The following CACNA1H variants were observed in gnomAD, a reference collection of about 807,000 sequenced individuals.
CACNA1H encodes voltage-dependent T-type calcium channel subunit alpha-1H.
In CACNA1H, 149 loss-of-function variants were observed where a neutral mutation model predicts 192.5. That is an observed-to-expected ratio of 0.77 (90% CI 0.68 to 0.89). The LOEUF (loss-of-function observed/expected upper bound fraction) is 0.89. Among genes scored for constraint, CACNA1H ranks in the 40% least tolerant of loss-of-function variants. The pLI is 0.00. For synonymous variants in CACNA1H, 2,202 were observed against 1,475.2 expected, an observed-to-expected ratio of 1.49 and a Z score of -11.29; for missense variants, 4,257 against 3,423.5, an observed-to-expected ratio of 1.24 and a Z score of -6.08.
chr16:1,209,606 C>T (rs1003603451), intron 17 of CACNA1H, 194 bp downstream of exon 17: 16 of 687,878 alleles, frequency 2.3e-5, no homozygotes, highest in Middle Eastern at 4.0e-4. Context: ...CAGAGTCCCC[C>T]CTCTGCCGTC....
At chr16:1,154,575 G>A (rs183126769) in intron 2 of CACNA1H, among the ~76,000 whole-genome samples, 1 of 152,330 alleles carries the variant, frequency 6.6e-6, no homozygotes, top group Admixed American at 6.5e-5. Flanking sequence ...CGTGGAGAGA[G>A]GCGGTGACGT....
rs1337267919 is a variant in CACNA1H at position 1,153,496 on chromosome 16, C to G, written c.-19+26C>G. 6 of 244,864 alleles carry G rather than the reference C, an allele frequency of 2.5e-5. No individual in the cohort carries two copies. The East Asian group carries it at 3.8e-4, about 15-fold the overall frequency. The allele number at this position is 244,864 out of a possible 1,614,324, so 15.2% of individuals were successfully genotyped here. A position where few individuals can be genotyped will look rare whatever the true frequency, so the allele number is the denominator to read the frequency against. On this transcript the variant is annotated intron_variant, in intron 1 of 34. Coordinates refer to ENST00000348261, the MANE Select transcript of CACNA1H (RefSeq NM_021098.3). ...GTGAGACGCGGCGAGGACGCGCGCC[C>G]GGGACCCTCTTCAACTTGCGCGAAG...
Position 1,208,039 on chromosome 16 carries a change from A to AC in CACNA1H, c.3186dup (p.Asn1063GlnfsTer102). 6.2e-7 allele frequency: 1 copy of AC among 1,606,380 alleles called. No homozygotes were observed. Among genetic ancestry groups the AC allele is most frequent in the Non-Finnish European group, 8.5e-7 (1 of 1,177,456 alleles). ...GCTGAAGATGTGTTCCCTGGCCGTG[A>AC]CCCCCAACGGGCACCTGGAGGGACG... On this transcript the variant is annotated frameshift_variant, in exon 16 of 35. Transcript: ENST00000348261. LOFTEE classifies it high-confidence loss of function.
chr16:1,208,254 C>T lies in CACNA1H; in HGVS notation c.3363+33C>T, dbSNP rs760351538. On this transcript the variant is annotated intron_variant, in intron 16 of 34. Coordinates refer to ENST00000348261, the MANE Select transcript of CACNA1H (RefSeq NM_021098.3). Reference sequence around the variant, plus strand: ...CCATCTCCTGCCCCAGCTCTCAGGCCCCTTCAGGTTTTCCCTGCCTGGCTC... The same window carrying T: ...CCATCTCCTGCCCCAGCTCTCAGGCTCCTTCAGGTTTTCCCTGCCTGGCTC... The T allele has an allele frequency of 4.7e-6, 7 of 1,487,274 alleles. No homozygotes were observed. In the African/African-American group the frequency reaches 5.6e-5, roughly 12 times the overall value. The allele number at this position is 1,487,274 out of a possible 1,614,324, so 92.1% of individuals were successfully genotyped here.
rs1280107139 is a variant in CACNA1H at position 1,210,509 on chromosome 16, C to T, written c.3969+16C>T. ...CGGCAGCACCGTGAGTCAGCCAACC[C>T]CATCGTCCCGGGCCACCACGACCCC... On this transcript the variant is annotated intron_variant, in intron 19 of 34. Coordinates refer to ENST00000348261, the MANE Select transcript of CACNA1H (RefSeq NM_021098.3). 6.8e-6 allele frequency: 11 copies of T among 1,611,412 alleles called. No homozygotes were observed. The highest frequency in any genetic ancestry group is 1.7e-5 in the Admixed American group (1 of 60,006).
At chr16:1,156,388 C>T (rs535929810) in intron 2 of CACNA1H, among the ~76,000 whole-genome samples, 7 of 152,332 alleles carry the variant, frequency 4.6e-5, no homozygotes, top group Admixed American at 3.3e-4. Context: ...GGTGTGTGTC[C>T]TGGCGTCAGA....
At chr16:1,194,945 G>T in intron 2 of CACNA1H, 27 bp from the exon 3 acceptor site, 1 of 1,553,666 alleles carries the variant, frequency 6.4e-7, no homozygotes, top group Non-Finnish European at 8.9e-7. Flanking sequence ...GGGCCGCGCC[G>T]GTGTGCTCCT....
At chr16:1,178,593 C>G (rs1047183074) in intron 2 of CACNA1H, among the ~76,000 whole-genome samples, 3 of 152,168 alleles carry the variant, frequency 2.0e-5, no homozygotes, top group Non-Finnish European at 4.4e-5. Context: ...GTCTCGGACT[C>G]CAGCCTCCAG....
At position 1,212,020 on chromosome 16, in the gene CACNA1H, C is replaced by A; in HGVS notation, c.4641C>A (p.Leu1547=). 1 of 1,613,568 alleles carries A rather than the reference C, an allele frequency of 6.2e-7. No individual in the cohort carries two copies. The highest frequency in any genetic ancestry group is 8.5e-7 in the Non-Finnish European group (1 of 1,179,708). ...SFLLIVSFFV[L]NMFVGVVVEN... is the part of the protein sequence containing the mutation. Reference sequence around the variant, plus strand: ...TGCTCATCGTCAGCTTCTTCGTGCTCAACATGTTCGTGGGCGTCGTGGTCG... The same window carrying A: ...TGCTCATCGTCAGCTTCTTCGTGCTAAACATGTTCGTGGGCGTCGTGGTCG... The change falls in exon 25 of 35, where the codon CTC becomes CTA. Residue 1547 remains leucine (L), a synonymous_variant. Transcript: ENST00000348261.
chr16:1,172,531 G>A (rs948199580), intron 2 of CACNA1H, among the ~76,000 whole-genome samples: 4 of 152,184 alleles, frequency 2.6e-5, no homozygotes, highest in African/African-American at 9.7e-5. Context: ...AGCATCACCC[G>A]CTCTGTGGAG....
intron 2 of CACNA1H, among the ~76,000 whole-genome samples, chr16:1,158,267 G>A (rs755465373): frequency 6.6e-6 from 1 of 152,210 alleles, no homozygotes; most frequent in South Asian, 2.1e-4. Context: ...AGCGTTGCAG[G>A]GCTCAGGGGG....
In CACNA1H at chr16:1,195,019, C is replaced by T. The variant is rs755765779; in HGVS notation, c.347C>T (p.Thr116Ile). 9 of 1,612,212 alleles carry T rather than the reference C, an allele frequency of 5.6e-6. No homozygotes were observed. The highest frequency in any genetic ancestry group is 1.1e-5 in the South Asian group (1 of 91,064). The stretch of plus-strand genomic sequence containing the variant: ...CTGGTAATCATGCTCAACTGCGTGA[C>T]CCTGGGCATGTTCCGGCCCTGTGAG... ...SMLVIMLNCV[T>I]LGMFRPCEDV... Residue 116 changes from threonine to isoleucine, a missense_variant, in exon 3 of 35, where the codon ACC (threonine) becomes ATC (isoleucine). Coordinates refer to ENST00000348261, the MANE Select transcript of CACNA1H (RefSeq NM_021098.3).
In CACNA1H at chr16:1,201,752, G is replaced by A; in HGVS notation, c.1302G>A (p.Arg434=). The part of the protein sequence containing the change: ...ETKQRESQLM[R]EQRARHLSND... Reference sequence around the variant, plus strand: ...AGCAGCGGGAGAGTCAGCTGATGCGGGAGCAGCGGGCACGCCACCTGTCCA... The same window carrying A: ...AGCAGCGGGAGAGTCAGCTGATGCGAGAGCAGCGGGCACGCCACCTGTCCA... The change falls in exon 9 of 35, where the codon CGG becomes CGA. Residue 434 remains arginine (R), a synonymous_variant. Coordinates refer to ENST00000348261, the MANE Select transcript of CACNA1H (RefSeq NM_021098.3). The A allele has an allele frequency of 1.2e-6, 2 of 1,609,152 alleles. No homozygotes were observed. The highest frequency in any genetic ancestry group is 1.7e-6 in the Non-Finnish European group (2 of 1,178,598).
In CACNA1H at chr16:1,217,902, G is replaced by C. The variant is rs772423711; in HGVS notation, c.5324-17G>C. ...GGAGCGGGCTCGGCTGACCGGGCGG[G>C]GTCTCCCTCCCCGCAGAGTGCAGTG... On this transcript the variant is annotated splice_polypyrimidine_tract_variant and intron_variant, in intron 31 of 34. Coordinates refer to ENST00000348261, the MANE Select transcript of CACNA1H (RefSeq NM_021098.3). 1.3e-6 allele frequency: 2 copies of C among 1,588,594 alleles called. No individual in the cohort carries two copies. The highest frequency in any genetic ancestry group is 1.7e-6 in the Non-Finnish European group (2 of 1,167,118).
At chr16:1,210,258 C>T (rs1969268335) in intron 18 of CACNA1H, 112 bp from the exon 19 acceptor site, 4 of 1,243,318 alleles carry the variant, frequency 3.2e-6, no homozygotes, top group Non-Finnish European at 4.5e-6. Context: ...CCTTCTCACA[C>T]CGCAGGGACC....
chr16:1,154,397 C>T (rs1019812478), intron 2 of CACNA1H, among the ~76,000 whole-genome samples: 1 of 152,120 alleles, frequency 6.6e-6, no homozygotes, highest in Non-Finnish European at 1.5e-5. Context: ...GAATTTCCCC[C>T]TTGCCCACCC....
chr16:1,218,723 G>A, intron 33 of CACNA1H, 72 bp downstream of exon 33: 1 of 1,348,172 alleles, frequency 7.4e-7, no homozygotes, highest in Non-Finnish European at 1.0e-6. Flanking sequence ...GCAGGTGGGA[G>A]GGAGGATGGG....
At chr16:1,215,206 A>G (rs2141375562) in intron 28 of CACNA1H, 36 bp from the exon 29 acceptor site, 3 of 1,585,470 alleles carry the variant, frequency 1.9e-6, no homozygotes, top group East Asian at 2.3e-5. Flanking sequence ...CGAGGCGGGG[A>G]CCCCAGACGT....
rs1390986799 is a variant in CACNA1H, at chr16:1,210,844, C to T, written c.4096C>T (p.Leu1366=). Residue 1366 remains leucine (L), a synonymous_variant, in exon 21 of 35, where the codon CTG becomes TTG. Coordinates refer to ENST00000348261, the MANE Select transcript of CACNA1H (RefSeq NM_021098.3). ...CGCCTACCTGCAGAGCAGCTGGAAC[C>T]TGCTGGATGGGCTGCTGGTGCTGGT... ...EHAYLQSSWN[L]LDGLLVLVSL... 8 of 1,605,208 alleles carry T rather than the reference C, an allele frequency of 5.0e-6. No individual in the cohort carries two copies. Among genetic ancestry groups the T allele is most frequent in the South Asian group, 1.1e-5 (1 of 91,078 alleles).
Sources: gnomAD v4.1 joint callset for allele counts (sites outside exome capture counted in the v4.1 genomes callset) on GRCh38, gnomAD v4.1.1 for gene constraint, MANE v1.5 for transcripts, NCBI Gene and HGNC (gene_info 2026-07-23, HGNC 2026-07-21) for gene names.